The following RGMA variants were observed in gnomAD, a reference collection of about 807,000 sequenced individuals.
RGMA encodes the protein repulsive guidance molecule A.
Under a neutral mutation model 23.2 loss-of-function variants are expected in RGMA, and 10 were observed. The observed-to-expected ratio is 0.43, with a 90% CI of 0.27 to 0.73. The LOEUF is 0.73. Ranked by LOEUF, RGMA falls within the 30% of genes least tolerant of loss-of-function variation. RGMA has a pLI of 0.20. For synonymous variants in RGMA, 308 were observed against 279.3 expected (o/e 1.10, Z -1.03); for missense variants, 547 against 630.5 (o/e 0.87, Z 1.42).
At chr15:93,085,187 G>T (rs1895617738) in intron 1 of RGMA, among the ~76,000 whole-genome samples, 1 of 145,984 alleles carries the variant, frequency 6.9e-6, no homozygotes, top group Non-Finnish European at 1.5e-5. Flanking sequence ...AGGGTGAGCT[G>T]CTCCAAAGAC....
chr15:93,066,044 C>T, intron 2 of RGMA: 2 of 1,510,666 alleles, frequency 1.3e-6, no homozygotes, highest in Non-Finnish European at 1.8e-6. Context: ...GGGATCTCTG[C>T]CACCATGGGT....
At chr15:93,064,804 G>A (rs1223844084) in intron 2 of RGMA, among the ~76,000 whole-genome samples, 1 of 152,142 alleles carries the variant, frequency 6.6e-6, no homozygotes, top group Non-Finnish European at 1.5e-5. Context: ...GGGTGGCATC[G>A]TCCTCTTTAG....
rs769584508 is a variant in RGMA at position 93,038,637 on chromosome 15, C to A, written c.*6361G>T. 7.0e-6 allele frequency: 1 copy of A among 143,078 alleles called. No homozygotes were observed. Among genetic ancestry groups the A allele is most frequent in the African/African-American group, 2.6e-5 (1 of 38,258 alleles). 8.9% of individuals were successfully genotyped at this position (143,078 alleles called of 1,614,324 possible). ...GGCTGGAGGCTGGAGTGCAGTGGTG[C>A]GATCTCTGCTTGCTGCAAGTTCTGC... On this transcript the variant is annotated 3_prime_UTR_variant, in exon 4 of 4. Transcript: ENST00000329082.
intron 2 of RGMA, among the ~76,000 whole-genome samples, chr15:93,056,891 C>G (rs1054153150): frequency 6.6e-6 from 1 of 152,184 alleles, no homozygotes; most frequent in East Asian, 1.9e-4. Context: ...AACAGGGTCC[C>G]CCACAAAGGC....
chr15:93,069,403 C>A (rs1426782558), intron 2 of RGMA, among the ~76,000 whole-genome samples: 1 of 152,192 alleles, frequency 6.6e-6, no homozygotes, highest in Non-Finnish European at 1.5e-5. Flanking sequence ...AGCCACCGCG[C>A]CTGGCCGATG....
chr15:93,053,605 C>G (rs931547851), intron 2 of RGMA, among the ~76,000 whole-genome samples: 3 of 152,244 alleles, frequency 2.0e-5, no homozygotes, highest in Non-Finnish European at 2.9e-5. Flanking sequence ...AAACCAAGAA[C>G]AGACACATTT....
intron 1 of RGMA, chr15:93,074,234 T>TG (rs1313253182): frequency 1.1e-5 from 2 of 183,652 alleles, no homozygotes; most frequent in African/African-American, 4.8e-5. Flanking sequence ...AAAACACCTC[T>TG]GGGTTTTTAT....
chr15:93,040,098 A>G lies in RGMA; in HGVS notation c.*4900T>C, dbSNP rs1380645012. On this transcript the variant is annotated 3_prime_UTR_variant, in exon 4 of 4. Transcript: ENST00000329082. ...ACGGCAGGCACCTGTAATCCCAGCT[A>G]CTTGAGTGGCTGAAGTGGGAGGATT... The G allele has an allele frequency of 6.6e-6, 1 of 152,210 alleles. No homozygotes were observed. Among genetic ancestry groups the G allele is most frequent in the Non-Finnish European group, 1.5e-5 (1 of 68,024 alleles). The allele number at this position is 152,210 out of a possible 1,614,324, so 9.4% of individuals were successfully genotyped here. A position where few individuals can be genotyped will look rare whatever the true frequency, so the allele number is the denominator to read the frequency against.
intron 2 of RGMA, chr15:93,065,896 G>A: frequency 1.4e-6 from 1 of 713,748 alleles, no homozygotes; most frequent in Non-Finnish European, 2.5e-6. Context: ...GCTCTCTGTA[G>A]GCTGTTGCTG....
intron 2 of RGMA, among the ~76,000 whole-genome samples, chr15:93,063,288 C>T (rs1464165942): frequency 4.6e-5 from 7 of 152,244 alleles, no homozygotes; most frequent in East Asian, 1.9e-4. Context: ...GTATGTCCCC[C>T]GTTCAAAGGA....
intron 1 of RGMA, among the ~76,000 whole-genome samples, chr15:93,078,948 T>C (rs1050896306): frequency 6.6e-6 from 1 of 152,250 alleles, no homozygotes; most frequent in African/African-American, 2.4e-5. Flanking sequence ...GATTATGTTC[T>C]CATAAATGCA....
chr15:93,051,804 G>A (rs1169042007), intron 3 of RGMA, among the ~76,000 whole-genome samples, 189 bp downstream of exon 3: 4 of 152,242 alleles, frequency 2.6e-5, no homozygotes, highest in Non-Finnish European at 5.9e-5. Flanking sequence ...AGGCCGGGCT[G>A]GCTCGAGGAA....
intron 2 of RGMA, among the ~76,000 whole-genome samples, chr15:93,069,653 G>A (rs1346867823): frequency 6.6e-6 from 1 of 152,238 alleles, no homozygotes; most frequent in Non-Finnish European, 1.5e-5. Flanking sequence ...GCTCTCTGGA[G>A]GGCCTGCTCT....
intron 1 of RGMA, among the ~76,000 whole-genome samples, chr15:93,083,033 T>C (rs1895583098): frequency 6.6e-6 from 1 of 152,236 alleles, no homozygotes; most frequent in Non-Finnish European, 1.5e-5. Flanking sequence ...CATCTTGGCT[T>C]GGGTTTGCCT....
In RGMA at chr15:93,045,947, A is replaced by C. The variant is rs1534782; in HGVS notation, c.646-242T>G. On this transcript the variant is annotated intron_variant, in intron 3 of 3. Transcript: ENST00000329082. The surrounding 1 kb of genome is among the most constrained non-coding windows in gnomAD (Gnocchi z 6.9). ...TGACTTAGAAAAATGTTAGACCACT[A>C]CCCTAAGTAGAAAACTAGCTCTTTT... 0.51 allele frequency among the ~76,000 whole-genome samples: 77,890 copies of C among 152,044 alleles called. 20,907 individuals carry two copies. The highest frequency in any genetic ancestry group is 0.92 in the East Asian group (4,779 of 5,176).
At chr15:93,048,826 G>C (rs2054870847) in intron 3 of RGMA, among the ~76,000 whole-genome samples, 1 of 151,672 alleles carries the variant, frequency 6.6e-6, no homozygotes, top group Admixed American at 6.6e-5. Flanking sequence ...TCTGGGCCGT[G>C]GGTGGTCCTG....
chr15:93,085,894 A>C (rs1895627514), intron 1 of RGMA, among the ~76,000 whole-genome samples: 1 of 152,208 alleles, frequency 6.6e-6, no homozygotes, highest in Non-Finnish European at 1.5e-5. Flanking sequence ...TCTGTCACCA[A>C]GGAAACTGAC....
chr15:93,045,599 C>T lies in RGMA; in HGVS notation c.752G>A (p.Gly251Glu). ...CAGGCTGTTGGCCCCGTGCTTGTCC[C>T]CACCGTTCTTAGAGCCATCCACGAA... is the stretch of plus-strand genomic sequence containing the variant. ...AAFVDGSKNG[G>E]DKHGANSLKI... Residue 251 changes from glycine to glutamate, a missense_variant, in exon 4 of 4, where the codon GGG becomes GAG. Transcript: ENST00000329082. The surrounding 1 kb of genome is among the most constrained non-coding windows in gnomAD (Gnocchi z 6.9). 1.2e-6 allele frequency: 2 copies of T among 1,613,320 alleles called. No homozygotes were observed. The highest frequency in any genetic ancestry group is 1.7e-6 in the Non-Finnish European group (2 of 1,179,892).
intron 2 of RGMA, among the ~76,000 whole-genome samples, chr15:93,062,527 G>A (rs888199404): frequency 5.9e-5 from 9 of 152,182 alleles, no homozygotes; most frequent in Non-Finnish European, 1.0e-4. Context: ...GGAGTTTGGG[G>A]CCAGACACGG....
Sources: gnomAD v4.1 joint callset for allele counts (sites outside exome capture counted in the v4.1 genomes callset) on GRCh38, gnomAD v4.1.1 for gene constraint, Gnocchi (gnomAD v3.1) non-coding constraint, MANE v1.5 for transcripts, NCBI Gene and HGNC (gene_info 2026-07-23, HGNC 2026-07-21) for gene names.